The following CCDC85A variants were observed in gnomAD, a reference collection of about 807,000 sequenced individuals.
CCDC85A encodes coiled-coil domain-containing protein 85A.
A neutral mutation model predicts 50.2 loss-of-function variants in CCDC85A; 38 were observed. The observed-to-expected ratio is 0.76, with a 90% CI of 0.58 to 0.99. CCDC85A has a LOEUF of 0.99. CCDC85A is among the 50% of genes least tolerant of loss of function. The probability of loss-of-function intolerance (pLI) is 0.00; values close to 1 mark genes in which losing one functional copy is unlikely to be tolerated. For missense variants in CCDC85A, 820 were observed against 742.0 expected (o/e 1.11, Z -1.22); for synonymous variants, 366 against 301.4 (o/e 1.21, Z -2.22).
chr2:56,284,320 G>A (rs149672155), intron 2 of CCDC85A, among the ~76,000 whole-genome samples: 4 of 152,198 alleles, frequency 2.6e-5, no homozygotes, highest in Non-Finnish European at 5.9e-5. Flanking sequence ...CTACATTTCT[G>A]AATATAGTGA....
intron 2 of CCDC85A, among the ~76,000 whole-genome samples, chr2:56,298,558 G>T (rs1027569584): frequency 2.6e-5 from 4 of 152,192 alleles, no homozygotes; most frequent in Middle Eastern, 3.4e-3. Context: ...TGTTGTATAT[G>T]GTATCATGCA....
Position 56,193,024 on chromosome 2 carries a change from A to G in CCDC85A, c.824A>G (p.Lys275Arg). The change falls in exon 2 of 6, where the codon AAA becomes AGA. Residue 275 changes from lysine (K) to arginine (R), a missense_variant. Transcript: ENST00000407595. ...CGTPDRPKAL[K>R]GPSPEHHKPL... ...ACCCCAGATCGCCCCAAAGCACTCAAAGGACCTAGCCCGGAGCACCACAAA... is the reference window on the plus strand; with the variant it reads ...ACCCCAGATCGCCCCAAAGCACTCAGAGGACCTAGCCCGGAGCACCACAAA... The G allele has an allele frequency of 6.2e-7, 1 of 1,613,710 alleles. No individual in the cohort carries two copies. Among genetic ancestry groups the G allele is most frequent in the Non-Finnish European group, 8.5e-7 (1 of 1,179,832 alleles).
chr2:56,279,619 G>A (rs147290406), intron 2 of CCDC85A, among the ~76,000 whole-genome samples: 2 of 152,188 alleles, frequency 1.3e-5, no homozygotes, highest in East Asian at 1.9e-4. Flanking sequence ...TTTGTATTGT[G>A]TTCTTCTATG....
intron 3 of CCDC85A, among the ~76,000 whole-genome samples, chr2:56,371,788 T>C (rs1405496759): frequency 6.6e-6 from 1 of 152,148 alleles, no homozygotes; most frequent in African/African-American, 2.4e-5. Context: ...ATGTAAAATA[T>C]TTATTTTAAT....
At chr2:56,189,312 T>TTTTTTTTTTGG (rs1572998269) in intron 1 of CCDC85A, among the ~76,000 whole-genome samples, 1 of 149,856 alleles carries the variant, frequency 6.7e-6, no homozygotes, top group Non-Finnish European at 1.5e-5. Flanking sequence ...TTTTTTTTTT[T>TTTTTTTTTTGG]GAGACAAGGT....
chr2:56,371,903 C>G (rs1676093075), intron 3 of CCDC85A, among the ~76,000 whole-genome samples: 1 of 152,050 alleles, frequency 6.6e-6, no homozygotes, highest in Non-Finnish European at 1.5e-5. Context: ...TATGTATACC[C>G]AAATTTCACT....
intron 2 of CCDC85A, among the ~76,000 whole-genome samples, chr2:56,336,724 T>C (rs1674093467): frequency 6.6e-6 from 1 of 152,154 alleles, no homozygotes; most frequent in East Asian, 1.9e-4. Context: ...GTTTCATATT[T>C]TTATCAGAGT....
chr2:56,183,963 C>T, upstream of CCDC85A: 1 of 985,398 alleles, frequency 1.0e-6, no homozygotes, highest in Non-Finnish European at 1.2e-6. Flanking sequence ...CAGGCTCCTC[C>T]TCCAGCCGGT....
intron 3 of CCDC85A, among the ~76,000 whole-genome samples, chr2:56,352,743 T>C (rs1200440471): frequency 6.6e-6 from 1 of 152,194 alleles, no homozygotes; most frequent in Non-Finnish European, 1.5e-5. Flanking sequence ...AGCAGTGACT[T>C]TGGACTCTGA....
chr2:56,218,523 C>T (rs1166648206), intron 2 of CCDC85A, among the ~76,000 whole-genome samples: 5 of 152,008 alleles, frequency 3.3e-5, no homozygotes, highest in African/African-American at 1.2e-4. Context: ...AAATGATACT[C>T]AACATGCTGT....
chr2:56,249,872 G>C (rs1056682750), intron 2 of CCDC85A, among the ~76,000 whole-genome samples: 4 of 152,146 alleles, frequency 2.6e-5, no homozygotes, highest in African/African-American at 9.7e-5. Flanking sequence ...TGAAGGTTCA[G>C]CATTTTCTGT....
At chr2:56,228,959 C>T (rs981645826) in intron 2 of CCDC85A, among the ~76,000 whole-genome samples, 2 of 152,166 alleles carry the variant, frequency 1.3e-5, no homozygotes, top group African/African-American at 4.8e-5. Flanking sequence ...CAAGCCTTCT[C>T]ATTAAGGTTT....
At chr2:56,247,215 G>T (rs1653120368) in intron 2 of CCDC85A, among the ~76,000 whole-genome samples, 1 of 152,130 alleles carries the variant, frequency 6.6e-6, no homozygotes. Flanking sequence ...TGGTCACTAG[G>T]GCTCTCTTGA....
At chr2:56,332,442 G>A (rs1008621392) in intron 2 of CCDC85A, among the ~76,000 whole-genome samples, 3 of 152,160 alleles carry the variant, frequency 2.0e-5, no homozygotes, top group Non-Finnish European at 1.5e-5. Flanking sequence ...AAGGGGAAAG[G>A]GATCTTTCAA....
intron 2 of CCDC85A, among the ~76,000 whole-genome samples, chr2:56,196,593 C>G (rs1029721528): frequency 1.3e-5 from 2 of 152,048 alleles, no homozygotes; most frequent in Non-Finnish European, 1.5e-5. Flanking sequence ...AGCTGGCAGG[C>G]CTTTGCTTTT....
chr2:56,298,190 G>A (rs1672041783), intron 2 of CCDC85A, among the ~76,000 whole-genome samples: 1 of 152,166 alleles, frequency 6.6e-6, no homozygotes, highest in African/African-American at 2.4e-5. Flanking sequence ...GAAGCTGATA[G>A]AATAGCACTG....
At chr2:56,367,146 C>T (rs1466561291) in intron 3 of CCDC85A, among the ~76,000 whole-genome samples, 3 of 152,094 alleles carry the variant, frequency 2.0e-5, no homozygotes, top group Non-Finnish European at 4.4e-5. Context: ...ACTGGTGTCA[C>T]GATTTTCTAG....
intron 2 of CCDC85A, among the ~76,000 whole-genome samples, chr2:56,297,838 C>T (rs150919010): frequency 2.9e-4 from 44 of 152,160 alleles, no homozygotes; most frequent in African/African-American, 1.1e-3. Context: ...TGGCATTTGG[C>T]AGATGGTTAG....
chr2:56,341,588 T>TTAC (rs1470717269), intron 2 of CCDC85A, among the ~76,000 whole-genome samples: 1 of 152,212 alleles, frequency 6.6e-6, no homozygotes, highest in Non-Finnish European at 1.5e-5. Flanking sequence ...TGAAGAAGAG[T>TTAC]TACTATCAGA....
Sources: allele counts gnomAD v4.1 joint callset (sites outside exome capture counted in the v4.1 genomes callset), GRCh38; gene constraint gnomAD v4.1.1; transcripts MANE v1.5; gene names NCBI Gene and HGNC (gene_info 2026-07-23, HGNC 2026-07-21).